The following ERGIC2 variants were observed in gnomAD, a reference collection of about 807,000 sequenced individuals.
ERGIC2 encodes the protein endoplasmic reticulum-Golgi intermediate compartment protein 2.
Under a neutral mutation model 52.5 loss-of-function variants are expected in ERGIC2, and 31 were observed. That is an observed-to-expected ratio of 0.59 (90% CI 0.44 to 0.80). The LOEUF is 0.80. Ranked by LOEUF, ERGIC2 falls within the 30% of genes least tolerant of loss-of-function variation. The probability of loss-of-function intolerance (pLI) is 0.00; values close to 1 mark genes in which losing one functional copy is unlikely to be tolerated. For missense variants in ERGIC2, 395 were observed against 455.2 expected (o/e 0.87, Z 1.20); for synonymous variants, 129 against 140.6 (o/e 0.92, Z 0.58).
At chr12:29,354,750 C>A (rs1286348298) in intron 8 of ERGIC2, among the ~76,000 whole-genome samples, 1 of 152,104 alleles carries the variant, frequency 6.6e-6, no homozygotes, top group East Asian at 1.9e-4. Flanking sequence ...AGACCAAAAA[C>A]AAATTTTAAA....
intron 5 of ERGIC2, among the ~76,000 whole-genome samples, chr12:29,365,831 C>G (rs1398345949): frequency 2.0e-5 from 3 of 151,884 alleles, no homozygotes; most frequent in African/African-American, 7.2e-5. Context: ...TAACTAAGCT[C>G]ATAAAAAATT....
intron 13 of ERGIC2, 124 bp downstream of exon 13, chr12:29,341,610 C>T (rs1485549651): frequency 1.4e-5 from 9 of 627,762 alleles, no homozygotes; most frequent in East Asian, 2.6e-5. Context: ...TGGGCTCAAG[C>T]GATCCTCCCG....
chr12:29,350,070 T>C lies in ERGIC2; in HGVS notation c.573-2A>G, dbSNP rs756543949. 6.3e-7 allele frequency: 1 copy of C among 1,593,164 alleles called. No individual in the cohort carries two copies. Among genetic ancestry groups the C allele is most frequent in the African/African-American group, 1.3e-5 (1 of 74,440 alleles). On this transcript the variant is annotated splice_acceptor_variant, in intron 8 of 13. Transcript: ENST00000360150. LOFTEE classifies it high-confidence loss of function. ...TGACCACGAGGATGTGGAATTGCCCTGAAAGGAGAAAAAACAATTATTAAA... is the reference window on the plus strand; with the variant it reads ...TGACCACGAGGATGTGGAATTGCCCCGAAAGGAGAAAAAACAATTATTAAA...
At chr12:29,351,169 T>C (rs554735857) in intron 8 of ERGIC2, among the ~76,000 whole-genome samples, 1 of 152,146 alleles carries the variant, frequency 6.6e-6, no homozygotes, top group South Asian at 2.1e-4. Context: ...CATGGAAATG[T>C]CAATATTTAG....
Position 29,341,150 on chromosome 12 carries a change from G to T in ERGIC2, c.*6C>A, listed in dbSNP as rs771535014. 1.9e-6 allele frequency: 3 copies of T among 1,602,304 alleles called. No individual in the cohort carries two copies. The East Asian group carries it at 6.7e-5, about 36-fold the overall frequency. ...CAAAAAGTTTTTCTCCTTCAATCGGGAGGTGTTAATGTGTATTATTTTCTA... is the reference window on the plus strand; with the variant it reads ...CAAAAAGTTTTTCTCCTTCAATCGGTAGGTGTTAATGTGTATTATTTTCTA... On this transcript the variant is annotated 3_prime_UTR_variant, in exon 14 of 14. Coordinates refer to ENST00000360150, the MANE Select transcript of ERGIC2 (RefSeq NM_016570.3).
intron 7 of ERGIC2, among the ~76,000 whole-genome samples, 184 bp from the exon 8 acceptor site, chr12:29,356,661 A>G (rs1225812842): frequency 6.6e-6 from 1 of 152,242 alleles, no homozygotes; most frequent in Non-Finnish European, 1.5e-5. Flanking sequence ...TAAAATGGGA[A>G]AAAAGTATTT....
intron 8 of ERGIC2, among the ~76,000 whole-genome samples, chr12:29,352,194 T>C (rs1591990605): frequency 6.6e-6 from 1 of 152,200 alleles, no homozygotes; most frequent in Admixed American, 6.5e-5. Flanking sequence ...GAGTCATATA[T>C]GGTCTCTGCC....
intron 1 of ERGIC2, among the ~76,000 whole-genome samples, chr12:29,373,772 GA>G (rs968686930): frequency 2.6e-5 from 4 of 151,958 alleles, no homozygotes; most frequent in African/African-American, 4.8e-5. Context: ...GTATTCGAAA[GA>G]AAAAAATAGA....
chr12:29,342,995 T>A, intron 12 of ERGIC2, 125 bp downstream of exon 12: 1 of 727,784 alleles, frequency 1.4e-6, no homozygotes, highest in Non-Finnish European at 2.1e-6. Context: ...AGTTTTGTAA[T>A]TAAAGCAAAA....
intron 8 of ERGIC2, among the ~76,000 whole-genome samples, chr12:29,355,841 T>C (rs1940194959): frequency 6.6e-6 from 1 of 152,164 alleles, no homozygotes; most frequent in South Asian, 2.1e-4. Flanking sequence ...TTCAGTTACT[T>C]TAATATACAA....
chr12:29,354,249 T>C (rs1454115698), intron 8 of ERGIC2, among the ~76,000 whole-genome samples: 2 of 152,234 alleles, frequency 1.3e-5, no homozygotes, highest in South Asian at 2.1e-4. Context: ...TAATATACAC[T>C]AAATTTCCCA....
chr12:29,374,752 C>G (rs1209426819), intron 1 of ERGIC2, among the ~76,000 whole-genome samples: 1 of 152,182 alleles, frequency 6.6e-6, no homozygotes, highest in Admixed American at 6.5e-5. Context: ...TTCAGGCCTA[C>G]TGAGAAATTC....
intron 5 of ERGIC2, among the ~76,000 whole-genome samples, chr12:29,362,228 A>G (rs1940296843): frequency 6.6e-6 from 1 of 152,204 alleles, no homozygotes; most frequent in South Asian, 2.1e-4. Flanking sequence ...GAGTCAGAGA[A>G]AAATATGCAA....
At chr12:29,349,527 G>C (rs1940103573) in intron 9 of ERGIC2, among the ~76,000 whole-genome samples, 1 of 151,840 alleles carries the variant, frequency 6.6e-6, no homozygotes, top group African/African-American at 2.4e-5. Context: ...TGGAATGATG[G>C]CCATGTGGCC....
intron 6 of ERGIC2, among the ~76,000 whole-genome samples, 174 bp from the exon 7 acceptor site, chr12:29,357,898 G>T (rs534230323): frequency 6.6e-6 from 1 of 152,282 alleles, no homozygotes; most frequent in East Asian, 1.9e-4. Context: ...GAAAGCAAAT[G>T]AGGCAGGGTG....
intron 1 of ERGIC2, among the ~76,000 whole-genome samples, chr12:29,374,146 G>T (rs1414201053): frequency 6.6e-6 from 1 of 152,054 alleles, no homozygotes; most frequent in Non-Finnish European, 1.5e-5. Context: ...CATCTACTGT[G>T]ACTACTTCCT....
At position 29,340,466 on chromosome 12, in the gene ERGIC2, A is replaced by G. The variant is rs992174033; in HGVS notation, c.*690T>C. The G allele has an allele frequency of 1.3e-4, 20 of 156,788 alleles. No individual in the cohort carries two copies. The highest frequency in any genetic ancestry group is 3.3e-3 in the Middle Eastern group (1 of 304). 9.7% of individuals were successfully genotyped at this position (156,788 alleles called of 1,614,324 possible). A position where few individuals can be genotyped will look rare whatever the true frequency, so the allele number is the denominator to read the frequency against. On this transcript the variant is annotated 3_prime_UTR_variant, in exon 14 of 14. Transcript: ENST00000360150. ...CATTTGTGAATGACACCCTAGTTAC[A>G]TAACACCTACATATCTGCCCCTGTG...
chr12:29,357,638 G>A lies in ERGIC2; in HGVS notation c.461C>T (p.Thr154Ile), dbSNP rs746653563. The A allele has an allele frequency of 6.4e-7, 1 of 1,567,732 alleles. No homozygotes were observed. The highest frequency in any genetic ancestry group is 8.8e-7 in the Non-Finnish European group (1 of 1,138,670). Residue 154 changes from threonine (T) to isoleucine (I), a missense_variant, in exon 7 of 14, where the codon ACA becomes ATA. Thr to Ile is a moderately conservative substitution (Grantham distance 89). Coordinates refer to ENST00000360150, the MANE Select transcript of ERGIC2 (RefSeq NM_016570.3). ...CAGATCTCACCTTGGTGGAAGAGCT[G>A]TTGATGTACTTTTAAAAGCACTTTT... Reference protein sequence around the residue: ...IFKSAFKSTSTALPPREDDSS... With the variant: ...IFKSAFKSTSIALPPREDDSS...
At chr12:29,346,720 A>G (rs1452331354) in intron 10 of ERGIC2, among the ~76,000 whole-genome samples, 4 of 152,230 alleles carry the variant, frequency 2.6e-5, no homozygotes, top group Non-Finnish European at 5.9e-5. Flanking sequence ...TCATTTTTAT[A>G]CAGTCATTAG....
Sources: allele counts gnomAD v4.1 joint callset (sites outside exome capture counted in the v4.1 genomes callset), GRCh38; gene constraint gnomAD v4.1.1; transcripts MANE v1.5; gene names NCBI Gene and HGNC (gene_info 2026-07-23, HGNC 2026-07-21).